Variants in RTN1 observed in about 807,000 individuals in gnomAD.
RTN1 encodes the protein reticulon 1, also known as reticulon-1.
A neutral mutation model predicts 65.5 loss-of-function variants in RTN1; 25 were observed. The ratio of observed to expected loss-of-function variants is 0.38; its 90% confidence interval spans 0.28 to 0.53. The LOEUF is 0.53. RTN1 is among the 20% of genes least tolerant of loss of function. The pLI, the probability that RTN1 is intolerant of heterozygous loss-of-function variation, is 0.79. For synonymous variants in RTN1, 471 were observed against 447.6 expected (o/e 1.05, Z -0.66); for missense variants, 983 against 1,025.4 (o/e 0.96, Z 0.57).
chr14:59,756,465 T>G (rs565870961), intron 1 of RTN1, among the ~76,000 whole-genome samples: 1 of 152,220 alleles, frequency 6.6e-6, no homozygotes, highest in Non-Finnish European at 1.5e-5. Flanking sequence ...TGTATACTAA[T>G]AGTTATTCAA....
intron 1 of RTN1, among the ~76,000 whole-genome samples, chr14:59,820,889 A>T (rs1886932002): frequency 6.6e-6 from 1 of 152,194 alleles, no homozygotes; most frequent in Non-Finnish European, 1.5e-5. Flanking sequence ...TTGTACCAAT[A>T]CTATGCTGTT....
intron 1 of RTN1, among the ~76,000 whole-genome samples, chr14:59,783,913 CAAAAA>C (rs35470675): frequency 1.9e-5 from 2 of 104,264 alleles, no homozygotes; most frequent in African/African-American, 3.2e-5. Context: ...AATCTGGGGG[CAAAAA>C]AAAAAAAAAA....
chr14:59,857,137 C>A (rs1887622639), intron 1 of RTN1, among the ~76,000 whole-genome samples: 1 of 152,054 alleles, frequency 6.6e-6, no homozygotes, highest in African/African-American at 2.4e-5. Context: ...CTCCACAAGA[C>A]CTAATACCAT....
At chr14:59,855,984 C>T (rs901434111) in intron 1 of RTN1, among the ~76,000 whole-genome samples, 7 of 152,196 alleles carry the variant, frequency 4.6e-5, no homozygotes, top group Non-Finnish European at 8.8e-5. Context: ...CTGGTCCTTT[C>T]GCTAGAAACA....
chr14:59,754,688 T>C (rs990004588), intron 1 of RTN1, among the ~76,000 whole-genome samples: 5 of 152,214 alleles, frequency 3.3e-5, no homozygotes, highest in African/African-American at 1.2e-4. Context: ...GTTGATTTTC[T>C]TATTATCTTT....
At chr14:59,693,101 G>A (rs888044223) in intron 3 of RTN1, among the ~76,000 whole-genome samples, 4 of 152,172 alleles carry the variant, frequency 2.6e-5, no homozygotes, top group African/African-American at 9.7e-5. Context: ...AGACACATGA[G>A]AGCTGGCTTT....
At chr14:59,622,214 G>A (rs906212895) in intron 3 of RTN1, among the ~76,000 whole-genome samples, 5 of 152,124 alleles carry the variant, frequency 3.3e-5, no homozygotes. Context: ...AGTGGCACAC[G>A]CCTGTGATCC....
At chr14:59,729,767 G>A (rs1884860408) in intron 2 of RTN1, among the ~76,000 whole-genome samples, 2 of 152,262 alleles carry the variant, frequency 1.3e-5, no homozygotes, top group South Asian at 2.1e-4. Context: ...CTCTCTGCCC[G>A]CTTGGATCCA....
chr14:59,623,279 C>G (rs1407965625), intron 3 of RTN1, among the ~76,000 whole-genome samples: 2 of 152,204 alleles, frequency 1.3e-5, no homozygotes, highest in Non-Finnish European at 2.9e-5. Context: ...TAGGTCTAAC[C>G]ACTAGGACTA....
intron 3 of RTN1, among the ~76,000 whole-genome samples, chr14:59,685,122 T>G (rs781450682): frequency 6.6e-6 from 1 of 152,108 alleles, no homozygotes; most frequent in Non-Finnish European, 1.5e-5. Flanking sequence ...TAATAAAACT[T>G]AATATGCTTT....
At chr14:59,673,121 A>G (rs7160227) in intron 3 of RTN1, among the ~76,000 whole-genome samples, 61,526 of 152,034 alleles carry the variant, frequency 0.4, 13,040 homozygotes, top group African/African-American at 0.51. Flanking sequence ...TACTTTGTGC[A>G]CTTTCTTCCA....
chr14:59,810,222 T>C (rs559468628), intron 1 of RTN1, among the ~76,000 whole-genome samples: 2 of 152,276 alleles, frequency 1.3e-5, no homozygotes, highest in Admixed American at 1.3e-4. Context: ...AATCTGGATA[T>C]GATAATGTTT....
intron 3 of RTN1, among the ~76,000 whole-genome samples, chr14:59,704,702 G>C (rs1367354786): frequency 6.6e-6 from 1 of 152,200 alleles, no homozygotes. Flanking sequence ...GCAGAGAGGA[G>C]AGAAGGGTAC....
chr14:59,745,998 G>T lies in RTN1; in HGVS notation c.725C>A (p.Pro242Gln). 1 of 1,614,100 alleles carries T rather than the reference G, an allele frequency of 6.2e-7. No homozygotes were observed. The highest frequency in any genetic ancestry group is 8.5e-7 in the Non-Finnish European group (1 of 1,180,006). Residue 242 changes from proline to glutamine, a missense_variant, in exon 2 of 9, where the codon CCA becomes CAA. This residue lies in a region of RTN1 where 818 missense variants were observed against 801.8 expected (regional missense o/e 1.02). Transcript: ENST00000267484. The part of the protein sequence containing the change: ...KPEGVREPDK[P>Q]APVEGKIIKD... Reference sequence around the variant, plus strand: ...GATGATTTTTCCCTCCACAGGAGCTGGTTTGTCAGGTTCACGGACTCCTTC... The same window carrying T: ...GATGATTTTTCCCTCCACAGGAGCTTGTTTGTCAGGTTCACGGACTCCTTC...
chr14:59,597,016 A>AT (rs1204609819), intron 8 of RTN1, among the ~76,000 whole-genome samples: 1 of 152,180 alleles, frequency 6.6e-6, no homozygotes, highest in Admixed American at 6.5e-5. Flanking sequence ...AGAAAGCCAC[A>AT]TTTTTTAGAT....
At chr14:59,845,803 C>T (rs1040589693) in intron 1 of RTN1, among the ~76,000 whole-genome samples, 1 of 152,088 alleles carries the variant, frequency 6.6e-6, no homozygotes, top group Non-Finnish European at 1.5e-5. Flanking sequence ...CTAGAAGAAT[C>T]TCCCAAACCC....
intron 3 of RTN1, among the ~76,000 whole-genome samples, chr14:59,632,038 A>G (rs750060935): frequency 3.9e-5 from 6 of 152,204 alleles, no homozygotes; most frequent in Non-Finnish European, 8.8e-5. Flanking sequence ...ATGATTTATC[A>G]TCTTTCATTT....
intron 3 of RTN1, among the ~76,000 whole-genome samples, chr14:59,619,852 C>A (rs540153179): frequency 6.6e-6 from 1 of 152,160 alleles, no homozygotes; most frequent in African/African-American, 2.4e-5. Context: ...GTAGAAAGGA[C>A]CACTGGATTT....
intron 1 of RTN1, among the ~76,000 whole-genome samples, chr14:59,842,890 T>A (rs1014653761): frequency 2.6e-5 from 4 of 152,170 alleles, no homozygotes; most frequent in Admixed American, 1.3e-4. Context: ...TAAATAAGAA[T>A]GCAAAATGGT....
Sources: allele counts gnomAD v4.1 joint callset (sites outside exome capture counted in the v4.1 genomes callset), GRCh38; gene constraint gnomAD v4.1.1; regional missense constraint gnomAD v4.1.1; transcripts MANE v1.5; gene names NCBI Gene and HGNC (gene_info 2026-07-23, HGNC 2026-07-21).